Variants in KCNJ5 observed in about 807,000 individuals in gnomAD.
KCNJ5 encodes the protein potassium inwardly rectifying channel subfamily J member 5.
Under a neutral mutation model 20.2 loss-of-function variants are expected in KCNJ5, and 12 were observed. The ratio of observed to expected loss-of-function variants is 0.59; its 90% CI spans 0.38 to 0.96. The LOEUF (loss-of-function observed/expected upper bound fraction) is 0.96, where lower values mean the gene tolerates loss of function less well. KCNJ5 is among the 40% of genes least tolerant of loss of function. The probability of loss-of-function intolerance (pLI) is 0.00; values close to 1 mark genes in which losing one functional copy is unlikely to be tolerated. For missense variants in KCNJ5, 449 were observed against 557.6 expected, an observed-to-expected ratio of 0.81 and a Z score of 1.96; for synonymous variants, 210 against 213.9, an observed-to-expected ratio of 0.98 and a Z score of 0.16.
chr11:128,892,672 C>T (rs1591436064), intron 1 of KCNJ5, among the ~76,000 whole-genome samples: 1 of 152,328 alleles, frequency 6.6e-6, no homozygotes, highest in East Asian at 1.9e-4. Flanking sequence ...CTCAGGTGCA[C>T]AGCTCATAAA....
intron 1 of KCNJ5, chr11:128,901,297 A>G (rs925913484): frequency 1.3e-5 from 2 of 152,240 alleles, no homozygotes; most frequent in African/African-American, 4.8e-5. Flanking sequence ...TGATCTGAAT[A>G]ATGGACACAT....
intron 2 of KCNJ5, among the ~76,000 whole-genome samples, chr11:128,914,663 T>C (rs1944551052): frequency 6.6e-6 from 1 of 152,112 alleles, no homozygotes; most frequent in Non-Finnish European, 1.5e-5. Context: ...AAAATCAATC[T>C]CTTAGGGCTG....
chr11:128,903,395 C>T lies in KCNJ5; in HGVS notation c.-10-7869C>T, dbSNP rs141065881. Reference sequence around the variant, plus strand: ...ACACAGCCACAGCCGTGGGTGTAGACGGCAGAGCTCAGCACAGACTCACAG... The same window carrying T: ...ACACAGCCACAGCCGTGGGTGTAGATGGCAGAGCTCAGCACAGACTCACAG... On this transcript the variant is annotated intron_variant, in intron 1 of 2. Coordinates refer to ENST00000529694, the MANE Select transcript of KCNJ5 (RefSeq NM_000890.5). 3.6e-4 allele frequency: 580 copies of T among 1,614,038 alleles called. 1 individual carries two copies. The highest frequency in any genetic ancestry group is 4.4e-4 in the Non-Finnish European group (523 of 1,179,990).
At chr11:128,898,596 T>C (rs1281931570) in intron 1 of KCNJ5, among the ~76,000 whole-genome samples, 1 of 152,274 alleles carries the variant, frequency 6.6e-6, no homozygotes, top group Admixed American at 6.5e-5. Context: ...CACATCCACT[T>C]ACACTTCACT....
At chr11:128,916,169 T>G (rs1226494983) in intron 2 of KCNJ5, among the ~76,000 whole-genome samples, 5 of 129,892 alleles carry the variant, frequency 3.8e-5, no homozygotes, top group African/African-American at 1.4e-4. Context: ...CTTTCCTGCC[T>G]TTTTTTCCAT....
At position 128,891,441 on chromosome 11, in the gene KCNJ5, C is replaced by CACAGAGAGAGAGAGAGAGAG. The variant is rs1160699929; in HGVS notation, c.-290_-289insCAGAGAGAGAGAGAGAGAGA. On this transcript the variant is annotated 5_prime_UTR_variant, in exon 1 of 3. Transcript: ENST00000529694. ...ACACACACACACACACACACACACACAGAGAGAGAGAGAGAGAGAGAGAGA... is the reference window on the plus strand; with the variant it reads ...ACACACACACACACACACACACACACACAGAGAGAGAGAGAGAGAGAGAGAGAGAGAGAGAGAGAGAGAGA... 5.5e-5 allele frequency: 3 copies of CACAGAGAGAGAGAGAGAGAG among 54,934 alleles called. No individual in the cohort carries two copies. The highest frequency in any genetic ancestry group is 1.0e-3 in the South Asian group (1 of 990). 3.4% of individuals were successfully genotyped at this position (54,934 alleles called of 1,614,324 possible).
chr11:128,904,489 C>G, intron 1 of KCNJ5: 1 of 1,596,394 alleles, frequency 6.3e-7, no homozygotes, highest in Non-Finnish European at 8.6e-7. Flanking sequence ...TGTCCAGCTC[C>G]CAGCTGATGG....
Position 128,919,757 on chromosome 11 carries a change from C to T in KCNJ5, c.*3026C>T, listed in dbSNP as rs554234221. The T allele has an allele frequency of 1.3e-5, 2 of 152,424 alleles. No individual in the cohort carries two copies. The highest frequency in any genetic ancestry group is 2.1e-4 in the South Asian group (1 of 4,826). The allele number at this position is 152,424 out of a possible 1,614,324, so 9.4% of individuals were successfully genotyped here. A position where few individuals can be genotyped will look rare whatever the true frequency, so the allele number is the denominator to read the frequency against. On this transcript the variant is annotated 3_prime_UTR_variant, in exon 3 of 3. Coordinates refer to ENST00000529694, the MANE Select transcript of KCNJ5 (RefSeq NM_000890.5). ...CTCAGCTCACTGCAACCTCTGCCAC[C>T]TCCCAGGTTCAAGCGATTCTCATGC...
At chr11:128,904,436 G>A in intron 1 of KCNJ5, 1 of 1,614,134 alleles carries the variant, frequency 6.2e-7, no homozygotes, top group South Asian at 1.1e-5. Context: ...ATTACCTGTT[G>A]GAGTCACCTG....
At chr11:128,904,316 A>C (rs1591444060) in intron 1 of KCNJ5, 1 of 1,465,782 alleles carries the variant, frequency 6.8e-7, no homozygotes, top group Non-Finnish European at 9.3e-7. Flanking sequence ...TCAGGACTGC[A>C]CCCTGGCCTC....
At chr11:128,913,518 G>T (rs548645292) in intron 2 of KCNJ5, among the ~76,000 whole-genome samples, 1 of 151,610 alleles carries the variant, frequency 6.6e-6, no homozygotes, top group Non-Finnish European at 1.5e-5. Flanking sequence ...CACCCCACTC[G>T]CAGCAAAACC....
In KCNJ5 at chr11:128,902,719, G is replaced by A. The variant is rs11221504; in HGVS notation, c.-10-8545G>A. On this transcript the variant is annotated intron_variant, in intron 1 of 2. Coordinates refer to ENST00000529694, the MANE Select transcript of KCNJ5 (RefSeq NM_000890.5). ...AGGTAATGTTTGTGGCAGACCTGTT[G>A]GTGCAAACAGGGAGGCTGTGAGAGG... 6.0e-3 allele frequency: 9,616 copies of A among 1,596,418 alleles called. 376 individuals are homozygous for A. In the African/African-American group the frequency reaches 0.095, roughly 16 times the overall value.
chr11:128,892,165 T>C (rs1377315233), intron 1 of KCNJ5, among the ~76,000 whole-genome samples: 1 of 152,230 alleles, frequency 6.6e-6, no homozygotes. Context: ...CTCTTTTAAG[T>C]GTGGCCAAAC....
chr11:128,903,964 C>G (rs760301086), intron 1 of KCNJ5, among the ~76,000 whole-genome samples: 2 of 152,168 alleles, frequency 1.3e-5, no homozygotes, highest in Non-Finnish European at 2.9e-5. Flanking sequence ...TCCCAGGCAG[C>G]GGTGGCTGCA....
chr11:128,904,525 C>A (rs1450965327), intron 1 of KCNJ5: 3 of 1,476,984 alleles, frequency 2.0e-6, no homozygotes, highest in South Asian at 2.3e-5. Flanking sequence ...GCGGAGAGGT[C>A]GTGCTACTCA....
At chr11:128,915,376 A>ATG (rs1439625104) in intron 2 of KCNJ5, among the ~76,000 whole-genome samples, 1 of 152,068 alleles carries the variant, frequency 6.6e-6, no homozygotes, top group Non-Finnish European at 1.5e-5. Flanking sequence ...TCCTGTGTGT[A>ATG]TGTGTGTGTG....
chr11:128,911,521 A>T lies in KCNJ5; in HGVS notation c.248A>T (p.Asp83Val). Residue 83 changes from aspartate (D) to valine (V), a missense_variant, in exon 2 of 3, where the codon GAC becomes GTC. Coordinates refer to ENST00000529694, the MANE Select transcript of KCNJ5 (RefSeq NM_000890.5). This position sits in a 1 kb window ranked among gnomAD's most constrained non-coding sequence, Gnocchi z 6.3. ...YLSDLFTTLV[D>V]LKWRFNLLVF... ...AGTGACCTCTTCACCACCCTGGTGGACCTCAAGTGGCGCTTCAACTTGCTC... is the reference window on the plus strand; with the variant it reads ...AGTGACCTCTTCACCACCCTGGTGGTCCTCAAGTGGCGCTTCAACTTGCTC... 6.2e-7 allele frequency: 1 copy of T among 1,614,218 alleles called. No individual in the cohort carries two copies. The highest frequency in any genetic ancestry group is 8.5e-7 in the Non-Finnish European group (1 of 1,180,044).
intron 2 of KCNJ5, among the ~76,000 whole-genome samples, chr11:128,916,169 T>C (rs1226494983): frequency 7.7e-6 from 1 of 129,892 alleles, no homozygotes; most frequent in African/African-American, 2.9e-5. Context: ...CTTTCCTGCC[T>C]TTTTTTCCAT....
Position 128,911,358 on chromosome 11 carries a change from G to T in KCNJ5, c.85G>T (p.Ala29Ser). ...PWDPKKIPKQ[A>S]RDYVPIATDR... ...GGACCCCAAGAAGATTCCAAAACAG[G>T]CCCGCGATTATGTCCCCATTGCCAC... The change falls in exon 2 of 3, where the codon GCC becomes TCC. Residue 29 changes from alanine to serine, a missense_variant. Around this residue, in one of 5 missense-constraint regions of KCNJ5, gnomAD observed 203 missense variants for 258.0 expected, o/e 0.79. Coordinates refer to ENST00000529694, the MANE Select transcript of KCNJ5 (RefSeq NM_000890.5). This position sits in a 1 kb window ranked among gnomAD's most constrained non-coding sequence, Gnocchi z 6.3. 1 of 1,614,174 alleles carries T rather than the reference G, an allele frequency of 6.2e-7. No individual in the cohort carries two copies. Among genetic ancestry groups the T allele is most frequent in the Non-Finnish European group, 8.5e-7 (1 of 1,180,040 alleles).
Sources: gnomAD v4.1 joint callset for allele counts (sites outside exome capture counted in the v4.1 genomes callset) on GRCh38, gnomAD v4.1.1 for gene constraint, gnomAD v4.1.1 regional missense constraint, Gnocchi (gnomAD v3.1) non-coding constraint, MANE v1.5 for transcripts, NCBI Gene and HGNC (gene_info 2026-07-23, HGNC 2026-07-21) for gene names.